The following KAT7 variants were observed in gnomAD, a reference collection of about 807,000 sequenced individuals.
KAT7 encodes histone acetyltransferase KAT7.
KAT7 carries 10 observed loss-of-function variants against 82.1 expected under a neutral mutation model. The observed-to-expected ratio is 0.12, with a 90% CI of 0.08 to 0.21. The LOEUF is 0.21. KAT7 is among the 10% of genes least tolerant of loss of function. The pLI is 1.00. For synonymous variants in KAT7, 250 were observed against 262.5 expected, an observed-to-expected ratio of 0.95 and a Z score of 0.46; for missense variants, 378 against 760.9, an observed-to-expected ratio of 0.50 and a Z score of 5.92.
At chr17:49,825,730 C>T (rs2074360983) in intron 12 of KAT7, among the ~76,000 whole-genome samples, 1 of 152,198 alleles carries the variant, frequency 6.6e-6, no homozygotes, top group African/African-American at 2.4e-5. Context: ...GTACTACCCA[C>T]AGTTTTGGGC....
intron 5 of KAT7, 45 bp from the exon 6 acceptor site, chr17:49,809,074 A>G (rs1424124588): frequency 2.1e-6 from 3 of 1,427,814 alleles, no homozygotes; most frequent in East Asian, 2.3e-5. Flanking sequence ...AAGTAAACGT[A>G]GTCTTAGAAG....
At position 49,827,775 on chromosome 17, in the gene KAT7, T is replaced by C. The variant is rs951451067; in HGVS notation, c.*273T>C. On this transcript the variant is annotated 3_prime_UTR_variant, in exon 15 of 15. Coordinates refer to ENST00000259021, the MANE Select transcript of KAT7 (RefSeq NM_007067.5). The stretch of plus-strand genomic sequence containing the variant: ...AGCACTGACCCAAGGAGTTCTGTTA[T>C]GGTACTGTACCTGTCCAGTCACTGG... The C allele has an allele frequency of 8.6e-6, 4 of 467,412 alleles. No homozygotes were observed. Among genetic ancestry groups the C allele is most frequent in the Non-Finnish European group, 1.2e-5 (3 of 259,344 alleles). The allele number at this position is 467,412 out of a possible 1,614,324, so 29.0% of individuals were successfully genotyped here. A position where few individuals can be genotyped will look rare whatever the true frequency, so the allele number is the denominator to read the frequency against.
intron 5 of KAT7, among the ~76,000 whole-genome samples, chr17:49,806,801 C>T (rs923766606): frequency 2.0e-5 from 3 of 152,126 alleles, no homozygotes; most frequent in African/African-American, 4.8e-5. Context: ...CAAAGGAAAA[C>T]ATTTCTATCT....
At chr17:49,826,861 G>A in intron 14 of KAT7, 62 bp downstream of exon 14, 1 of 1,094,878 alleles carries the variant, frequency 9.1e-7, no homozygotes, top group East Asian at 2.4e-5. Flanking sequence ...GCAGAGCAAA[G>A]TATGGGCCTT....
chr17:49,816,174 C>T (rs1300161144), intron 8 of KAT7, among the ~76,000 whole-genome samples: 2 of 152,122 alleles, frequency 1.3e-5, no homozygotes, highest in East Asian at 3.8e-4. Context: ...GCTGATGAGG[C>T]TGGATAAAAC....
chr17:49,829,329 C>G lies in KAT7; in HGVS notation c.*1827C>G, dbSNP rs563897332. On this transcript the variant is annotated 3_prime_UTR_variant, in exon 15 of 15. Coordinates refer to ENST00000259021, the MANE Select transcript of KAT7 (RefSeq NM_007067.5). ...AATTTGATCTGCCTCACTTTGGTTCCAGCTAATCAGTATACGTAGCAATGA... is the reference window on the plus strand; with the variant it reads ...AATTTGATCTGCCTCACTTTGGTTCGAGCTAATCAGTATACGTAGCAATGA... The G allele has an allele frequency of 2.6e-5, 4 of 152,302 alleles. No individual in the cohort carries two copies. In the South Asian group the frequency reaches 8.3e-4, roughly 32 times the overall value. 9.4% of individuals were successfully genotyped at this position (152,302 alleles called of 1,614,324 possible).
rs2074443805 is a variant in KAT7 at position 49,834,000 on chromosome 17, C to T, written c.*6498C>T. ...GTTTATGTTCCGTGTAAATGGCAGC[C>T]TCAGTTCACCTCATTTGGTTATTTA... On this transcript the variant is annotated 3_prime_UTR_variant, in exon 15 of 15. Coordinates refer to ENST00000259021, the MANE Select transcript of KAT7 (RefSeq NM_007067.5). The T allele has an allele frequency of 6.6e-6, 1 of 152,180 alleles. No homozygotes were observed. Among genetic ancestry groups the T allele is most frequent in the Non-Finnish European group, 1.5e-5 (1 of 68,040 alleles). 9.4% of individuals were successfully genotyped at this position (152,180 alleles called of 1,614,324 possible). A position where few individuals can be genotyped will look rare whatever the true frequency, so the allele number is the denominator to read the frequency against.
At chr17:49,789,094 C>G (rs565932438) in intron 1 of KAT7, 2 of 388,392 alleles carry the variant, frequency 5.1e-6, no homozygotes, top group African/African-American at 2.1e-5. Context: ...TAATTGGTCG[C>G]TGAAACGTCT....
In KAT7 at chr17:49,809,101, C is replaced by G. The variant is rs752582459; in HGVS notation, c.664-18C>G. On this transcript the variant is annotated intron_variant, in intron 5 of 14. Transcript: ENST00000259021. Reference sequence around the variant, plus strand: ...TCTTAGAAGCAGGTGGATTTATTGACGTTGTTGATGGTTGCAGGTGAGAGC... The same window carrying G: ...TCTTAGAAGCAGGTGGATTTATTGAGGTTGTTGATGGTTGCAGGTGAGAGC... 1.3e-6 allele frequency: 2 copies of G among 1,599,666 alleles called. No individual in the cohort carries two copies. The highest frequency in any genetic ancestry group is 2.2e-5 in the South Asian group (2 of 90,750).
intron 2 of KAT7, among the ~76,000 whole-genome samples, chr17:49,792,811 G>A (rs553618080): frequency 1.3e-5 from 2 of 151,926 alleles, no homozygotes; most frequent in South Asian, 4.2e-4. Flanking sequence ...GTGTATAGCG[G>A]TTTTTTTTAT....
Position 49,832,515 on chromosome 17 carries a change from T to G in KAT7, c.*5013T>G, listed in dbSNP as rs917264117. 1 of 152,332 alleles carries G rather than the reference T, an allele frequency of 6.6e-6. No homozygotes were observed. The highest frequency in any genetic ancestry group is 6.5e-5 in the Admixed American group (1 of 15,300). 9.4% of individuals were successfully genotyped at this position (152,332 alleles called of 1,614,324 possible). On this transcript the variant is annotated 3_prime_UTR_variant, in exon 15 of 15. Coordinates refer to ENST00000259021, the MANE Select transcript of KAT7 (RefSeq NM_007067.5). ...TAAATATGCACACATTTGTCTATAG[T>G]TGAGGAAATTGTGCCGTTGAAGTCC...
At chr17:49,809,331 T>A in intron 6 of KAT7, 123 bp downstream of exon 6, 1 of 675,826 alleles carries the variant, frequency 1.5e-6, no homozygotes, top group Non-Finnish European at 2.6e-6. Flanking sequence ...AGATGTAAAC[T>A]TAGAATCATG....
chr17:49,818,985 C>T (rs528378528), intron 9 of KAT7, among the ~76,000 whole-genome samples: 34 of 152,190 alleles, frequency 2.2e-4, no homozygotes, highest in Admixed American at 2.0e-4. Flanking sequence ...GATCCACCCA[C>T]CTCAGCTTCC....
At chr17:49,816,000 G>C in intron 8 of KAT7, 87 bp downstream of exon 8, 1 of 753,330 alleles carries the variant, frequency 1.3e-6, no homozygotes, top group Admixed American at 2.1e-5. Context: ...AGTTTGATGG[G>C]AATTAAATGT....
intron 8 of KAT7, among the ~76,000 whole-genome samples, chr17:49,816,815 A>T (rs868094843): frequency 4.4e-4 from 65 of 147,134 alleles, no homozygotes; most frequent in African/African-American, 1.4e-3. Context: ...GGATATCCGA[A>T]TTTTTTTTTT....
chr17:49,797,340 G>GTT (rs750980612), intron 3 of KAT7, among the ~76,000 whole-genome samples: 2 of 152,146 alleles, frequency 1.3e-5, no homozygotes, highest in Non-Finnish European at 2.9e-5. Context: ...TGGGATTACA[G>GTT]GTATAAGCCA....
chr17:49,788,727 C>G lies in KAT7; in HGVS notation c.-108C>G. On this transcript the variant is annotated 5_prime_UTR_variant, in exon 1 of 15. Transcript: ENST00000259021. ...GAGGCAGGAGGCACTAGGGATCGTC[C>G]GCAGGATTGGGACTGATACAGAGGC... 1 of 1,242,228 alleles carries G rather than the reference C, an allele frequency of 8.1e-7. No homozygotes were observed. The highest frequency in any genetic ancestry group is 1.1e-6 in the Non-Finnish European group (1 of 905,382). 77.0% of individuals were successfully genotyped at this position (1,242,228 alleles called of 1,614,324 possible).
intron 2 of KAT7, among the ~76,000 whole-genome samples, chr17:49,793,832 A>C (rs997222839): frequency 2.0e-5 from 3 of 152,066 alleles, no homozygotes; most frequent in African/African-American, 7.2e-5. Flanking sequence ...TGGCCTCCCA[A>C]AGTGCTTGGA....
chr17:49,818,613 AAAAG>A, intron 9 of KAT7, among the ~76,000 whole-genome samples: 1 of 152,344 alleles, frequency 6.6e-6, no homozygotes, highest in South Asian at 2.1e-4. Context: ...GCTTCAAAAA[AAAAG>A]CCATTTTTCC....
Sources: allele counts gnomAD v4.1 joint callset (sites outside exome capture counted in the v4.1 genomes callset), GRCh38; gene constraint gnomAD v4.1.1; transcripts MANE v1.5; gene names NCBI Gene and HGNC (gene_info 2026-07-23, HGNC 2026-07-21).